Variants in PTPRD observed in about 807,000 individuals in gnomAD.
PTPRD encodes protein tyrosine phosphatase receptor type D.
In PTPRD, 34 loss-of-function variants were observed where a neutral mutation model predicts 214.5. That is an observed-to-expected ratio of 0.16 (90% CI 0.12 to 0.21). The LOEUF (loss-of-function observed/expected upper bound fraction) is 0.21. Ranked by LOEUF, PTPRD falls within the 10% of genes least tolerant of loss-of-function variation. The pLI is 1.00. For synonymous variants in PTPRD, 1,128 were observed against 845.7 expected (o/e 1.33, Z -5.79); for missense variants, 2,545 against 2,398.7 (o/e 1.06, Z -1.27).
At chr9:10,304,709 A>G (rs2095997479) in intron 3 of PTPRD, among the ~76,000 whole-genome samples, 2 of 152,198 alleles carry the variant, frequency 1.3e-5, no homozygotes, top group African/African-American at 4.8e-5. Context: ...AAGGTATGTG[A>G]AAAACCTCTT....
At chr9:9,626,133 G>C (rs576014358) in intron 7 of PTPRD, among the ~76,000 whole-genome samples, 27 of 152,284 alleles carry the variant, frequency 1.8e-4, no homozygotes, top group African/African-American at 6.0e-4. Flanking sequence ...GAATTAAAAA[G>C]TTCAAAATGA....
intron 3 of PTPRD, among the ~76,000 whole-genome samples, chr9:10,128,889 C>A (rs1233653608): frequency 6.6e-6 from 1 of 152,072 alleles, no homozygotes; most frequent in Non-Finnish European, 1.5e-5. Context: ...AAGCCAGACT[C>A]TTAATATAGT....
At chr9:9,468,149 C>G (rs2146320057) in intron 8 of PTPRD, among the ~76,000 whole-genome samples, 1 of 152,078 alleles carries the variant, frequency 6.6e-6, no homozygotes, top group Middle Eastern at 3.4e-3. Context: ...TTCTTTCTCT[C>G]TTTCCTTCTT....
chr9:9,896,733 G>A (rs1421778059), intron 5 of PTPRD, among the ~76,000 whole-genome samples: 2 of 151,838 alleles, frequency 1.3e-5, no homozygotes, highest in African/African-American at 4.8e-5. Flanking sequence ...AGTTGCTTTG[G>A]GCATCAATTG....
intron 3 of PTPRD, among the ~76,000 whole-genome samples, chr9:10,256,475 T>A (rs2093290171): frequency 6.6e-6 from 1 of 152,000 alleles, no homozygotes; most frequent in African/African-American, 2.4e-5. Context: ...ATGGAAAATT[T>A]TAGCTCCATT....
At chr9:8,475,935 C>G (rs1452070636) in intron 30 of PTPRD, among the ~76,000 whole-genome samples, 3 of 152,278 alleles carry the variant, frequency 2.0e-5, no homozygotes, top group African/African-American at 7.2e-5. Context: ...ATTCACAATA[C>G]AAAATTTGTT....
chr9:8,761,644 T>C (rs962466921), intron 11 of PTPRD, among the ~76,000 whole-genome samples: 6 of 152,172 alleles, frequency 3.9e-5, no homozygotes, highest in African/African-American at 1.4e-4. Flanking sequence ...GTATAACTAA[T>C]CGCTAACTGT....
At chr9:9,193,278 A>G (rs902182897) in intron 9 of PTPRD, among the ~76,000 whole-genome samples, 2 of 152,142 alleles carry the variant, frequency 1.3e-5, no homozygotes, top group Non-Finnish European at 2.9e-5. Context: ...GTCAGATACA[A>G]TCTTTAAAAA....
chr9:9,179,950 A>G (rs2099927194), intron 10 of PTPRD, among the ~76,000 whole-genome samples: 1 of 152,120 alleles, frequency 6.6e-6, no homozygotes, highest in East Asian at 1.9e-4. Context: ...TAATATACAT[A>G]TCAAAAATAA....
At chr9:8,736,544 T>G (rs1026940879) in intron 11 of PTPRD, among the ~76,000 whole-genome samples, 1 of 152,202 alleles carries the variant, frequency 6.6e-6, no homozygotes, top group African/African-American at 2.4e-5. Flanking sequence ...ATAATGCAGA[T>G]ACCATAGTAT....
At chr9:9,918,000 A>C (rs1453119265) in intron 5 of PTPRD, among the ~76,000 whole-genome samples, 1 of 152,066 alleles carries the variant, frequency 6.6e-6, no homozygotes, top group East Asian at 1.9e-4. Flanking sequence ...TTCCCTAAGA[A>C]CGAGAAAAGA....
chr9:9,598,637 C>T (rs566618696), intron 7 of PTPRD, among the ~76,000 whole-genome samples: 63 of 152,068 alleles, frequency 4.1e-4, no homozygotes, highest in African/African-American at 1.4e-3. Context: ...AGAAGTCTTA[C>T]AATTTTTTTG....
chr9:10,073,217 T>C lies in PTPRD; in HGVS notation c.-544-39427A>G, dbSNP rs1313612298. ...ATACTGTAATGGGATATATATATAG[T>C]TGTGGGATACCAGGATGGAATGCAG... On this transcript the variant is annotated intron_variant, in intron 3 of 45. Coordinates refer to ENST00000381196, the MANE Select transcript of PTPRD (RefSeq NM_002839.4). 5.9e-5 allele frequency among the ~76,000 whole-genome samples: 9 copies of C among 151,796 alleles called. No individual in the cohort carries two copies. The East Asian group carries it at 1.7e-3, about 30-fold the overall frequency.
chr9:9,652,475 C>T (rs1231174463), intron 7 of PTPRD, among the ~76,000 whole-genome samples: 5 of 152,162 alleles, frequency 3.3e-5, no homozygotes, highest in Non-Finnish European at 7.3e-5. Context: ...AACATGGTTG[C>T]AGTTGACTAC....
At chr9:9,767,683 GA>G (rs967473366) in intron 5 of PTPRD, among the ~76,000 whole-genome samples, 2 of 151,940 alleles carry the variant, frequency 1.3e-5, no homozygotes, top group African/African-American at 4.8e-5. Flanking sequence ...AAAATTTCCA[GA>G]AAAAATCTAT....
intron 4 of PTPRD, among the ~76,000 whole-genome samples, chr9:9,946,685 G>A (rs1364452051): frequency 6.6e-6 from 1 of 152,032 alleles, no homozygotes; most frequent in Non-Finnish European, 1.5e-5. Context: ...CTTGATCAGA[G>A]GAAAAACTGG....
rs549255282 is a variant in PTPRD at position 8,316,678 on chromosome 9, TAACA to T, written c.*1192_*1195del. On this transcript the variant is annotated 3_prime_UTR_variant, in exon 46 of 46. Transcript: ENST00000381196. The stretch of plus-strand genomic sequence containing the variant: ...TATTGAACTTTGTTGGAAGCCTGAC[TAACA>T]AACAAACAAAACAATTTGTGGATGT... 212 of 230,424 alleles carry T rather than the reference TAACA, an allele frequency of 9.2e-4. 3 individuals carry two copies. The highest frequency in any genetic ancestry group is 1.2e-3 in the Non-Finnish European group (143 of 116,112). The allele number at this position is 230,424 out of a possible 1,614,324, so 14.3% of individuals were successfully genotyped here.
chr9:10,255,346 C>T (rs1252739432), intron 3 of PTPRD, among the ~76,000 whole-genome samples: 1 of 152,148 alleles, frequency 6.6e-6, no homozygotes, highest in South Asian at 2.1e-4. Flanking sequence ...GGCTACAAAC[C>T]TGTATAGCAT....
intron 7 of PTPRD, among the ~76,000 whole-genome samples, chr9:9,599,060 A>T (rs1339652498): frequency 4.6e-5 from 7 of 152,042 alleles, no homozygotes; most frequent in Admixed American, 2.0e-4. Flanking sequence ...TTGCCCAGAG[A>T]TTATCTAACC....
Sources: gnomAD v4.1 joint callset for allele counts (sites outside exome capture counted in the v4.1 genomes callset) on GRCh38, gnomAD v4.1.1 for gene constraint, MANE v1.5 for transcripts, NCBI Gene and HGNC (gene_info 2026-07-23, HGNC 2026-07-21) for gene names.